The following RBM20 variants were observed in gnomAD, a reference collection of about 807,000 sequenced individuals.
RBM20 encodes RNA-binding protein 20.
Under a neutral mutation model 110.1 loss-of-function variants are expected in RBM20, and 51 were observed. The observed-to-expected ratio is 0.46, with a 90% CI of 0.37 to 0.59. The LOEUF is 0.59. RBM20 is among the 20% of genes least tolerant of loss of function. The pLI is 0.00. For missense variants in RBM20, 1,512 were observed against 1,574.9 expected (o/e 0.96, Z 0.68); for synonymous variants, 589 against 618.2 (o/e 0.95, Z 0.70).
chr10:110,674,554 A>C (rs1372900793), intron 1 of RBM20, among the ~76,000 whole-genome samples: 5 of 152,198 alleles, frequency 3.3e-5, no homozygotes, highest in African/African-American at 1.2e-4. Flanking sequence ...AATGTCTCCC[A>C]AGTCTTGTAG....
chr10:110,797,551 A>G lies in RBM20; in HGVS notation c.1571A>G (p.Asn524Ser), dbSNP rs749165561. 2.6e-6 allele frequency: 4 copies of G among 1,551,488 alleles called. No homozygotes were observed. The highest frequency in any genetic ancestry group is 3.9e-5 in the Admixed American group (2 of 50,980). ...KGAGRVVHIC[N>S]LPEGSCTEND... is the part of the protein sequence containing the mutation. ...GCTGGCCGTGTGGTGCACATCTGCA[A>G]TCTCCCTGAAGGAAGCTGCACTGAG... The change falls in exon 6 of 14, where the codon AAT becomes AGT. Residue 524 changes from asparagine to serine, a missense_variant. Asn to Ser is a conservative substitution (Grantham distance 46). Transcript: ENST00000369519.
At chr10:110,808,940 C>T (rs111773420) in intron 7 of RBM20, among the ~76,000 whole-genome samples, 4,191 of 152,096 alleles carry the variant, frequency 0.028, 187 homozygotes, top group African/African-American at 0.095. Flanking sequence ...TTTAGCTGGG[C>T]GTGGTGGTTC....
intron 7 of RBM20, among the ~76,000 whole-genome samples, chr10:110,801,745 C>T (rs962823517): frequency 9.2e-5 from 13 of 141,520 alleles, no homozygotes; most frequent in Admixed American, 8.7e-4. Flanking sequence ...CAGGGTTTCG[C>T]CATATTGGCC....
intron 10 of RBM20, among the ~76,000 whole-genome samples, chr10:110,820,890 A>G (rs896974823): frequency 6.6e-6 from 1 of 152,102 alleles, no homozygotes; most frequent in Non-Finnish European, 1.5e-5. Context: ...CTTGGGGGGA[A>G]TTTTGTGAGG....
chr10:110,803,285 T>G (rs538904093), intron 7 of RBM20, among the ~76,000 whole-genome samples: 1 of 152,348 alleles, frequency 6.6e-6, no homozygotes, highest in South Asian at 2.1e-4. Context: ...AGTGCTGTTT[T>G]GGTTTTGCAC....
At chr10:110,665,194 A>T (rs1389045907) in intron 1 of RBM20, among the ~76,000 whole-genome samples, 1 of 152,178 alleles carries the variant, frequency 6.6e-6, no homozygotes, top group Non-Finnish European at 1.5e-5. Flanking sequence ...TTCATAGAAG[A>T]ATGCCGTCTA....
At position 110,813,622 on chromosome 10, in the gene RBM20, G is replaced by A. The variant is rs149436976; in HGVS notation, c.2550+675G>A. ...GGCCGAGGCAGGCAGATCACCTGAG[G>A]TCAGGAGTTCGAGACCAGCCTGGCC... On this transcript the variant is annotated intron_variant, in intron 9 of 13. Transcript: ENST00000369519. 9.1e-3 allele frequency among the ~76,000 whole-genome samples: 1,381 copies of A among 151,602 alleles called. 26 individuals carry two copies. The highest frequency in any genetic ancestry group is 0.032 in the African/African-American group (1,323 of 41,314).
At chr10:110,749,428 A>G (rs1843825430) in intron 1 of RBM20, among the ~76,000 whole-genome samples, 1 of 152,262 alleles carries the variant, frequency 6.6e-6, no homozygotes, top group African/African-American at 2.4e-5. Flanking sequence ...AAAAAATTAA[A>G]TAAAATATGC....
Position 110,757,970 on chromosome 10 carries a change from G to C in RBM20, c.192-22831G>C, listed in dbSNP as rs563889414. Among the ~76,000 whole-genome samples, 17 of 150,864 alleles carry C rather than the reference G, an allele frequency of 1.1e-4. No homozygotes were observed. In the South Asian group the frequency reaches 3.6e-3, roughly 32 times the overall value. Reference sequence around the variant, plus strand: ...CTGCTTGTGGCAGATACTGTCATAGGCATAGGGCATACAGCAATAGAAAAG... The same window carrying C: ...CTGCTTGTGGCAGATACTGTCATAGCCATAGGGCATACAGCAATAGAAAAG... On this transcript the variant is annotated intron_variant, in intron 1 of 13. Transcript: ENST00000369519.
chr10:110,726,103 C>T (rs1006271839), intron 1 of RBM20, among the ~76,000 whole-genome samples: 5 of 152,284 alleles, frequency 3.3e-5, no homozygotes, highest in African/African-American at 2.4e-5. Flanking sequence ...GCCCCTCTGC[C>T]GGCCTCTCCC....
chr10:110,774,009 A>C (rs1844228641), intron 1 of RBM20, among the ~76,000 whole-genome samples: 1 of 152,202 alleles, frequency 6.6e-6, no homozygotes, highest in Non-Finnish European at 1.5e-5. Context: ...AGCTCCCTTT[A>C]ATGAACGTGT....
intron 1 of RBM20, among the ~76,000 whole-genome samples, chr10:110,675,028 A>G (rs576448648): frequency 6.8e-4 from 104 of 152,348 alleles, no homozygotes; most frequent in African/African-American, 2.4e-3. Context: ...TCCATGGTAC[A>G]TTGCTGATTG....
At chr10:110,750,293 T>G (rs1178565344) in intron 1 of RBM20, among the ~76,000 whole-genome samples, 1 of 152,190 alleles carries the variant, frequency 6.6e-6, no homozygotes, top group African/African-American at 2.4e-5. Context: ...AGGGGGAAAT[T>G]GCCAAACCCA....
At chr10:110,767,562 A>G (rs1844120380) in intron 1 of RBM20, among the ~76,000 whole-genome samples, 1 of 145,628 alleles carries the variant, frequency 6.9e-6, no homozygotes, top group African/African-American at 2.6e-5. Flanking sequence ...GGGGCTCCTC[A>G]CTTCTCAGAC....
intron 1 of RBM20, among the ~76,000 whole-genome samples, chr10:110,656,245 C>T (rs1862025181): frequency 6.6e-6 from 1 of 152,002 alleles, no homozygotes; most frequent in Non-Finnish European, 1.5e-5. Context: ...GAGGTTACAA[C>T]AGTGAGCTGT....
At chr10:110,665,586 A>G (rs1193819298) in intron 1 of RBM20, among the ~76,000 whole-genome samples, 2 of 152,010 alleles carry the variant, frequency 1.3e-5, no homozygotes, top group Admixed American at 1.3e-4. Flanking sequence ...AAAATGTAGT[A>G]TATAATTCTT....
At chr10:110,793,712 T>C (rs4918591) in intron 5 of RBM20, among the ~76,000 whole-genome samples, 32,964 of 152,230 alleles carry the variant, frequency 0.22, 4,340 homozygotes, top group Middle Eastern at 0.3. Flanking sequence ...CTCAGCTATT[T>C]GTTAGAAAAG....
At chr10:110,817,341 A>G (rs1480493117) in intron 9 of RBM20, among the ~76,000 whole-genome samples, 1 of 152,216 alleles carries the variant, frequency 6.6e-6, no homozygotes, top group Non-Finnish European at 1.5e-5. Flanking sequence ...TGTGGGCCAG[A>G]TGCCATCTAG....
intron 1 of RBM20, among the ~76,000 whole-genome samples, chr10:110,654,489 T>G (rs1346928130): frequency 6.6e-6 from 1 of 152,246 alleles, no homozygotes. Flanking sequence ...CAGATTTTTT[T>G]GGGTATCCTC....
Sources: allele counts gnomAD v4.1 joint callset (sites outside exome capture counted in the v4.1 genomes callset), GRCh38; gene constraint gnomAD v4.1.1; transcripts MANE v1.5; gene names NCBI Gene and HGNC (gene_info 2026-07-23, HGNC 2026-07-21).